Variants in SLC35F1 observed in about 807,000 individuals in gnomAD.
SLC35F1 encodes chromosome 6 open reading frame 169.
SLC35F1 carries 14 observed loss-of-function variants against 48.7 expected under a neutral mutation model. The ratio of observed to expected loss-of-function variants is 0.29; its 90% confidence interval spans 0.19 to 0.45. The LOEUF (loss-of-function observed/expected upper bound fraction) is 0.45. Ranked by LOEUF, SLC35F1 falls within the 20% of genes least tolerant of loss-of-function variation. The pLI is 1.00. For missense variants in SLC35F1, 404 were observed against 500.0 expected (o/e 0.81, Z 1.83); for synonymous variants, 190 against 202.2 (o/e 0.94, Z 0.51).
chr6:118,271,813 C>T (rs1775855622), intron 4 of SLC35F1, among the ~76,000 whole-genome samples: 1 of 152,150 alleles, frequency 6.6e-6, no homozygotes, highest in Non-Finnish European at 1.5e-5. Context: ...GAGACAGGTG[C>T]TTCAGGAAAT....
intron 1 of SLC35F1, among the ~76,000 whole-genome samples, chr6:117,924,339 G>A (rs1582565710): frequency 2.0e-5 from 2 of 99,546 alleles, no homozygotes; most frequent in African/African-American, 8.6e-5. Context: ...ACACACATAG[G>A]TACACATGCA....
At chr6:118,281,353 C>G (rs980700351) in intron 6 of SLC35F1, among the ~76,000 whole-genome samples, 5 of 152,008 alleles carry the variant, frequency 3.3e-5, no homozygotes, top group Admixed American at 3.3e-4. Flanking sequence ...CCTATGTGAC[C>G]TAAGGGCAAG....
At chr6:118,002,851 TA>T (rs1000932511) in intron 1 of SLC35F1, among the ~76,000 whole-genome samples, 3 of 151,864 alleles carry the variant, frequency 2.0e-5, no homozygotes, top group Non-Finnish European at 4.4e-5. Flanking sequence ...TTTTGAGAAT[TA>T]AAAAAATTGA....
intron 1 of SLC35F1, among the ~76,000 whole-genome samples, chr6:117,911,576 C>G (rs1034331157): frequency 5.9e-5 from 9 of 151,940 alleles, no homozygotes; most frequent in African/African-American, 2.2e-4. Context: ...GCTGGGAATA[C>G]AGGTGCACAC....
intron 7 of SLC35F1, among the ~76,000 whole-genome samples, chr6:118,299,926 G>A (rs534838994): frequency 6.6e-6 from 1 of 152,116 alleles, no homozygotes; most frequent in Non-Finnish European, 1.5e-5. Flanking sequence ...CACCAAAGGG[G>A]GGTCATAATA....
At chr6:118,249,992 T>C (rs1051727265) in intron 3 of SLC35F1, among the ~76,000 whole-genome samples, 1 of 152,192 alleles carries the variant, frequency 6.6e-6, no homozygotes, top group Admixed American at 6.5e-5. Flanking sequence ...ATTTATACAG[T>C]ACAGCTAACT....
intron 1 of SLC35F1, among the ~76,000 whole-genome samples, chr6:117,916,948 C>G (rs531925314): frequency 6.6e-6 from 1 of 152,176 alleles, no homozygotes; most frequent in African/African-American, 2.4e-5. Flanking sequence ...GCAGAAAAGA[C>G]CTCCACTCTC....
At chr6:118,040,288 A>G (rs117495342) in intron 1 of SLC35F1, among the ~76,000 whole-genome samples, 4 of 152,286 alleles carry the variant, frequency 2.6e-5, no homozygotes, top group Non-Finnish European at 5.9e-5. Flanking sequence ...CAAAGGTACA[A>G]GAGGAAAATA....
At chr6:117,994,208 C>CT (rs1318222508) in intron 1 of SLC35F1, among the ~76,000 whole-genome samples, 1 of 151,974 alleles carries the variant, frequency 6.6e-6, no homozygotes, top group East Asian at 1.9e-4. Context: ...CATTGCCCCC[C>CT]CCATCCTCAA....
At chr6:117,915,745 A>G (rs1775818383) in intron 1 of SLC35F1, among the ~76,000 whole-genome samples, 1 of 152,216 alleles carries the variant, frequency 6.6e-6, no homozygotes, top group Non-Finnish European at 1.5e-5. Context: ...GTGCCCAAAT[A>G]TGATACTCTG....
chr6:118,098,323 GC>G (rs2114358989), intron 1 of SLC35F1, among the ~76,000 whole-genome samples: 1 of 152,278 alleles, frequency 6.6e-6, no homozygotes, highest in South Asian at 2.1e-4. Flanking sequence ...ATAAATGGTA[GC>G]TCTAGCATCA....
At chr6:118,015,943 C>T (rs752406154) in intron 1 of SLC35F1, among the ~76,000 whole-genome samples, 2 of 152,128 alleles carry the variant, frequency 1.3e-5, no homozygotes, top group Non-Finnish European at 2.9e-5. Flanking sequence ...CTAAGAAATC[C>T]AGTTATTTGC....
At chr6:117,914,316 A>G (rs189185436) in intron 1 of SLC35F1, among the ~76,000 whole-genome samples, 107 of 152,202 alleles carry the variant, frequency 7.0e-4, no homozygotes, top group African/African-American at 2.5e-3. Flanking sequence ...TAAGCCACCA[A>G]TTCCTAATAA....
At chr6:118,002,746 A>G (rs1262294597) in intron 1 of SLC35F1, among the ~76,000 whole-genome samples, 1 of 151,896 alleles carries the variant, frequency 6.6e-6, no homozygotes, top group Non-Finnish European at 1.5e-5. Context: ...CAAAAACTTA[A>G]CCTTTTTAAT....
chr6:118,246,797 G>T (rs998057429), intron 3 of SLC35F1, among the ~76,000 whole-genome samples: 2 of 152,104 alleles, frequency 1.3e-5, no homozygotes, highest in African/African-American at 4.8e-5. Context: ...CAAAAATGAT[G>T]CAACCAACAA....
At chr6:118,262,437 G>A (rs915923696) in intron 3 of SLC35F1, among the ~76,000 whole-genome samples, 3 of 152,040 alleles carry the variant, frequency 2.0e-5, no homozygotes, top group Non-Finnish European at 1.5e-5. Context: ...ATTAAATGAC[G>A]CTTCAATCTT....
chr6:117,913,836 A>G (rs1192064715), intron 1 of SLC35F1, among the ~76,000 whole-genome samples: 3 of 152,260 alleles, frequency 2.0e-5, no homozygotes, highest in Middle Eastern at 3.4e-3. Flanking sequence ...GGGTCATCTG[A>G]GGTCAGGAGT....
chr6:117,998,706 A>G (rs1339065841), intron 1 of SLC35F1, among the ~76,000 whole-genome samples: 1 of 152,226 alleles, frequency 6.6e-6, no homozygotes, highest in Non-Finnish European at 1.5e-5. Flanking sequence ...AGGCAGAAAT[A>G]AAGATGTTCT....
intron 4 of SLC35F1, among the ~76,000 whole-genome samples, chr6:118,268,523 A>G (rs1202806083): frequency 1.3e-5 from 2 of 149,946 alleles, no homozygotes; most frequent in Admixed American, 6.7e-5. Context: ...ATCTTTTTGG[A>G]CCAATCAGAT....
Sources: gnomAD v4.1 joint callset for allele counts (sites outside exome capture counted in the v4.1 genomes callset) on GRCh38, gnomAD v4.1.1 for gene constraint, MANE v1.5 for transcripts, NCBI Gene and HGNC (gene_info 2026-07-23, HGNC 2026-07-21) for gene names.